Variants in DGKK observed in about 807,000 individuals in gnomAD.
DGKK encodes the protein diacylglycerol kinase kappa.
DGKK carries 35 observed loss-of-function variants against 92.2 expected under a neutral mutation model. That is an observed-to-expected ratio of 0.38 (90% CI 0.29 to 0.50). The LOEUF is 0.50. Ranked by LOEUF, DGKK falls within the 20% of genes least tolerant of loss-of-function variation. DGKK has a pLI of 0.92. For synonymous variants in DGKK, 368 were observed against 360.6 expected (o/e 1.02, Z -0.23); for missense variants, 910 against 992.2 (o/e 0.92, Z 1.11).
intron 7 of DGKK, among the ~76,000 whole-genome samples, chrX:50,402,701 T>C (rs1925040720): frequency 9.0e-6 from 1 of 111,649 alleles, no homozygotes; most frequent in Non-Finnish European, 1.9e-5. Flanking sequence ...TTTTAATTAA[T>C]AAAGGTTACA....
At chrX:50,450,746 G>C (rs782628397) in intron 1 of DGKK, among the ~76,000 whole-genome samples, 11 of 111,584 alleles carry the variant, frequency 9.9e-5, no homozygotes, top group African/African-American at 3.6e-4. Context: ...TGAGACCATG[G>C]ATTAAATACC....
chrX:50,379,521 C>T, intron 20 of DGKK, 106 bp downstream of exon 20: 1 of 658,534 alleles, frequency 1.5e-6, no homozygotes. Context: ...ACCACCTCCT[C>T]TTCTCCCATT....
At chrX:50,404,024 C>T in intron 5 of DGKK, 25 bp downstream of exon 5, 1 of 1,205,367 alleles carries the variant, frequency 8.3e-7, no homozygotes, top group Non-Finnish European at 1.1e-6. Context: ...CTGAGCTTCA[C>T]TTCCTAAAGG....
intron 22 of DGKK, among the ~76,000 whole-genome samples, chrX:50,377,429 TC>T (rs1364656203): frequency 1.2e-4 from 13 of 112,534 alleles, no homozygotes; most frequent in African/African-American, 4.2e-4. Context: ...AATAAGTGTA[TC>T]CACCTCATAA....
intron 11 of DGKK, among the ~76,000 whole-genome samples, chrX:50,391,079 C>A (rs182250509): frequency 9.0e-6 from 1 of 111,243 alleles, no homozygotes. Context: ...GCTCTAGAAT[C>A]GTCTAGTTTT....
chrX:50,376,865 A>G lies in DGKK; in HGVS notation c.3165T>C (p.Ala1055=), dbSNP rs782319331. Residue 1055 remains alanine, a synonymous_variant, in exon 23 of 28, where the codon GCT becomes GCC. Transcript: ENST00000611977. The part of the protein sequence containing the change: ...MWEYKHTEIQ[A]APQPQLDFQD... ...GGAAGTCCAGCTGGGGTTGAGGGGC[A>G]GCTTGAATTTCAGTATGCTTGTATT... is the stretch of plus-strand genomic sequence containing the variant. 8.3e-7 allele frequency: 1 copy of G among 1,208,336 alleles called. No individual in the cohort carries two copies. The highest frequency in any genetic ancestry group is 1.8e-5 in the South Asian group (1 of 55,968).
chrX:50,395,837 G>T (rs1557226060), intron 8 of DGKK, among the ~76,000 whole-genome samples: 1 of 109,156 alleles, frequency 9.2e-6, no homozygotes, highest in East Asian at 2.9e-4. Flanking sequence ...GACTGGGGAG[G>T]CCATGGGGAA....
chrX:50,447,395 T>TAATATA (rs1491362075), intron 1 of DGKK, among the ~76,000 whole-genome samples: 1 of 16,124 alleles, frequency 6.2e-5, no homozygotes, highest in Non-Finnish European at 8.2e-5. Context: ...TATATATATA[T>TAATATA]TATATATATA....
rs186038651 is a variant in DGKK, at chrX:50,384,383, G to A, written c.2453-119C>T. The A allele has an allele frequency of 4.6e-4, 216 of 470,885 alleles. 2 individuals carry two copies. The Admixed American group carries it at 7.8e-3, about 17-fold the overall frequency. The allele number at this position is 470,885 out of a possible 1,213,427, so 38.8% of individuals were successfully genotyped here. On this transcript the variant is annotated intron_variant, in intron 16 of 27. Coordinates refer to ENST00000611977, the MANE Select transcript of DGKK (RefSeq NM_001013742.4). ...GGTCAAGCTCAGTGACTTTCTCCTA[G>A]ATAATATTAAGGGTTCTAATTCCAA...
Position 50,470,743 on chromosome X carries a change from G to A in DGKK, c.-65C>T, listed in dbSNP as rs1433630544. On this transcript the variant is annotated 5_prime_UTR_variant, in exon 1 of 28. It introduces an in-frame stop codon into an upstream open reading frame of the 5' UTR. Transcript: ENST00000611977. ...AAGCCTGGAAGGCTAAAGTACCCTCGGGCGCCCCGCCCACTCCAGTCCGGC... is the reference window on the plus strand; with the variant it reads ...AAGCCTGGAAGGCTAAAGTACCCTCAGGCGCCCCGCCCACTCCAGTCCGGC... The A allele has an allele frequency of 9.4e-6, 10 of 1,064,367 alleles. No individual in the cohort carries two copies. In the East Asian group the frequency reaches 1.0e-4, roughly 11 times the overall value. The allele number at this position is 1,064,367 out of a possible 1,213,427, so 87.7% of individuals were successfully genotyped here.
At chrX:50,372,393 T>C (rs1296523899) in intron 25 of DGKK, among the ~76,000 whole-genome samples, 2 of 112,043 alleles carry the variant, frequency 1.8e-5, no homozygotes. Flanking sequence ...CTATACAACA[T>C]TGTCTTATCA....
At chrX:50,435,687 T>C (rs1451314104) in intron 1 of DGKK, among the ~76,000 whole-genome samples, 2 of 109,900 alleles carry the variant, frequency 1.8e-5, no homozygotes, top group African/African-American at 6.6e-5. Flanking sequence ...TTAGGAGTTG[T>C]GTATGAGTGG....
At position 50,365,830 on chromosome X, in the gene DGKK, C is replaced by T. The variant is rs1213144992; in HGVS notation, c.*3110G>A. 1 of 111,861 alleles carries T rather than the reference C, an allele frequency of 8.9e-6. No individual in the cohort carries two copies. The highest frequency in any genetic ancestry group is 9.5e-5 in the Admixed American group (1 of 10,558). 9.2% of individuals were successfully genotyped at this position (111,861 alleles called of 1,213,427 possible). A position where few individuals can be genotyped will look rare whatever the true frequency, so the allele number is the denominator to read the frequency against. ...ATGACGTTGACCCTGACTGTTTCTT[C>T]TGGCCCAGTTTTATTAAGGTAAAAA... On this transcript the variant is annotated 3_prime_UTR_variant, in exon 28 of 28. Coordinates refer to ENST00000611977, the MANE Select transcript of DGKK (RefSeq NM_001013742.4).
In DGKK at chrX:50,470,425, G is replaced by C. The variant is rs1557234455; in HGVS notation, c.254C>G (p.Pro85Arg). The change falls in exon 1 of 28, where the codon CCA becomes CGA. Residue 85 changes from proline to arginine, a missense_variant. Physicochemically the swap from Pro to Arg is moderately radical, Grantham distance 103 (BLOSUM62 -2). Transcript: ENST00000611977. ...CGGTTCTGAGGCCGGCTCTGTGGCT[G>C]GTTCTGGGGTCGGTTCTGTGTACAG... ...TELYTEPTPEPATEPASEPAP... is the reference protein window; with the variant it reads ...TELYTEPTPERATEPASEPAP... The C allele has an allele frequency of 1.7e-6, 2 of 1,212,088 alleles. No homozygotes were observed. The highest frequency in any genetic ancestry group is 2.2e-6 in the Non-Finnish European group (2 of 895,369).
intron 8 of DGKK, among the ~76,000 whole-genome samples, chrX:50,399,399 T>C (rs1466045950): frequency 8.9e-6 from 1 of 112,479 alleles, no homozygotes; most frequent in Non-Finnish European, 1.9e-5. Context: ...TTTCCTTTCT[T>C]TGCTTCCAGC....
chrX:50,416,735 G>A (rs1442540141), intron 4 of DGKK, among the ~76,000 whole-genome samples: 5 of 111,369 alleles, frequency 4.5e-5, no homozygotes, highest in African/African-American at 6.5e-5. Flanking sequence ...TACTTATGCC[G>A]GGACAAGTGT....
At chrX:50,403,631 A>G (rs1925069459) in intron 5 of DGKK, 34 bp from the exon 6 acceptor site, 6 of 1,085,416 alleles carry the variant, frequency 5.5e-6, no homozygotes, top group Non-Finnish European at 7.6e-6. Context: ...ATGGGTGTGA[A>G]TCTGGTGACA....
chrX:50,459,327 G>A (rs782005645), intron 1 of DGKK, among the ~76,000 whole-genome samples: 1 of 110,753 alleles, frequency 9.0e-6, no homozygotes, highest in East Asian at 2.9e-4. Flanking sequence ...CCTGCTATAC[G>A]GAGTACAAAG....
chrX:50,454,807 C>G (rs781783049), intron 1 of DGKK, among the ~76,000 whole-genome samples: 69 of 111,886 alleles, frequency 6.2e-4, no homozygotes, highest in African/African-American at 2.1e-3. Flanking sequence ...TGAGAAGCAA[C>G]AGCTAAGCTC....
Sources: allele counts gnomAD v4.1 joint callset (sites outside exome capture counted in the v4.1 genomes callset), GRCh38; gene constraint gnomAD v4.1.1; transcripts MANE v1.5; gene names NCBI Gene and HGNC (gene_info 2026-07-23, HGNC 2026-07-21).